TP63: variants seen among roughly 807,000 people sequenced by gnomAD.
TP63 encodes tumor protein 63.
In TP63, 17 loss-of-function variants were observed where a neutral mutation model predicts 82.8. The ratio of observed to expected loss-of-function variants is 0.21; its 90% CI spans 0.14 to 0.31. The LOEUF (loss-of-function observed/expected upper bound fraction) is 0.31, where lower values mean the gene tolerates loss of function less well. Ranked by LOEUF, TP63 falls within the 10% of genes least tolerant of loss-of-function variation. TP63 has a pLI of 1.00. For synonymous variants in TP63, 330 were observed against 321.7 expected (o/e 1.03, Z -0.28); for missense variants, 648 against 895.3 (o/e 0.72, Z 3.52).
In TP63 at chr3:189,868,713, C is replaced by T. The variant is rs757536818; in HGVS notation, c.1126C>T (p.Arg376Cys). 2.1e-5 allele frequency: 34 copies of T among 1,613,906 alleles called. No homozygotes were observed. Among genetic ancestry groups the T allele is most frequent in the Middle Eastern group, 1.6e-4 (1 of 6,062 alleles). The change falls in exon 8 of 14, where the codon CGC becomes TGC. Residue 376 changes from arginine to cysteine, a missense_variant. This residue lies in a region of TP63 where 342 missense variants were observed against 425.7 expected (regional missense o/e 0.80). Coordinates refer to ENST00000264731, the MANE Select transcript of TP63 (RefSeq NM_003722.5). Reference sequence around the variant, plus strand: ...TACAAAGAACGGTGATGGTACGAAGCGCCGTAAGTAGATGTAGTGGCCAAA... The same window carrying T: ...TACAAAGAACGGTGATGGTACGAAGTGCCGTAAGTAGATGTAGTGGCCAAA... The part of the protein sequence containing the change: ...DSTKNGDGTK[R>C]PFRQNTHGIQ...
chr3:189,777,240 A>C (rs957403247), intron 3 of TP63, among the ~76,000 whole-genome samples: 1 of 152,064 alleles, frequency 6.6e-6, no homozygotes, highest in African/African-American at 2.4e-5. Flanking sequence ...TCTGTCATCT[A>C]GACTGGAGAG....
At chr3:189,795,440 A>T (rs148309909) in intron 3 of TP63, among the ~76,000 whole-genome samples, 67 of 152,142 alleles carry the variant, frequency 4.4e-4, no homozygotes, top group African/African-American at 1.6e-3. Flanking sequence ...AAGTTTTGAA[A>T]GAGTGAAATC....
chr3:189,760,715 A>G (rs1722503640), intron 3 of TP63, among the ~76,000 whole-genome samples: 1 of 152,180 alleles, frequency 6.6e-6, no homozygotes, highest in African/African-American at 2.4e-5. Flanking sequence ...GCAGTGCCCC[A>G]GTAGGGACTC....
At chr3:189,667,168 A>ATTTT (rs11439554) in intron 1 of TP63, among the ~76,000 whole-genome samples, 4 of 122,118 alleles carry the variant, frequency 3.3e-5, no homozygotes, top group African/African-American at 9.2e-5. Flanking sequence ...AGAAGTTAGA[A>ATTTT]TTTTTTTTTT....
intron 3 of TP63, among the ~76,000 whole-genome samples, chr3:189,795,856 C>G (rs1478338346): frequency 6.6e-6 from 1 of 151,996 alleles, no homozygotes; most frequent in African/African-American, 2.4e-5. Context: ...CGAATGATTC[C>G]TTAGGCTGAA....
chr3:189,681,153 GT>G (rs1486517585), intron 1 of TP63, among the ~76,000 whole-genome samples: 1 of 151,780 alleles, frequency 6.6e-6, no homozygotes, highest in East Asian at 1.9e-4. Flanking sequence ...CTTTCACCTG[GT>G]TTTCTCAGCT....
At chr3:189,797,381 A>G (rs1478802353) in intron 3 of TP63, among the ~76,000 whole-genome samples, 1 of 152,072 alleles carries the variant, frequency 6.6e-6, no homozygotes, top group East Asian at 1.9e-4. Context: ...GGAACTCTGT[A>G]CAGGCATTTT....
intron 3 of TP63, among the ~76,000 whole-genome samples, chr3:189,783,025 C>CT (rs1347882432): frequency 2.0e-5 from 3 of 151,790 alleles, no homozygotes; most frequent in African/African-American, 7.3e-5. Flanking sequence ...GAATAATTTG[C>CT]TTATATGATA....
At chr3:189,861,594 T>C (rs945932371) in intron 4 of TP63, among the ~76,000 whole-genome samples, 5 of 152,192 alleles carry the variant, frequency 3.3e-5, no homozygotes, top group African/African-American at 1.2e-4. Context: ...CCCAAAGTTT[T>C]TTCAACTCTA....
chr3:189,862,386 A>G (rs900804460), intron 4 of TP63, among the ~76,000 whole-genome samples: 8 of 152,186 alleles, frequency 5.3e-5, no homozygotes, highest in African/African-American at 1.4e-4. Flanking sequence ...TTAGCACTTG[A>G]CGATCCTTAA....
chr3:189,702,422 G>T (rs534241698), intron 1 of TP63, among the ~76,000 whole-genome samples: 2 of 152,242 alleles, frequency 1.3e-5, no homozygotes, highest in South Asian at 4.1e-4. Context: ...TCTCACCATT[G>T]TTTCTTGACT....
intron 3 of TP63, among the ~76,000 whole-genome samples, chr3:189,781,353 A>T (rs928817023): frequency 6.6e-6 from 1 of 152,114 alleles, no homozygotes; most frequent in African/African-American, 2.4e-5. Flanking sequence ...TGCATACTGG[A>T]TGGGAGATTC....
chr3:189,892,492 A>G (rs776833497), intron 13 of TP63, among the ~76,000 whole-genome samples: 1 of 152,222 alleles, frequency 6.6e-6, no homozygotes, highest in Non-Finnish European at 1.5e-5. Flanking sequence ...CAAGAAACAT[A>G]AAAAGCTATG....
At chr3:189,752,180 C>A (rs2108523923) in intron 3 of TP63, among the ~76,000 whole-genome samples, 1 of 151,868 alleles carries the variant, frequency 6.6e-6, no homozygotes, top group African/African-American at 2.4e-5. Flanking sequence ...TTTATTTTAT[C>A]TATTTATTTT....
At chr3:189,707,929 A>C (rs912031917) in intron 1 of TP63, among the ~76,000 whole-genome samples, 2 of 152,224 alleles carry the variant, frequency 1.3e-5, no homozygotes, top group African/African-American at 4.8e-5. Flanking sequence ...ACATATACAA[A>C]GACATGCAAG....
intron 1 of TP63, among the ~76,000 whole-genome samples, chr3:189,643,263 A>G (rs1333099648): frequency 6.6e-6 from 1 of 152,134 alleles, no homozygotes; most frequent in Non-Finnish European, 1.5e-5. Flanking sequence ...AGCCTCTCAA[A>G]GTGCTGAGAC....
chr3:189,597,950 A>G, the TP63 span, among the ~76,000 whole-genome samples: 1 of 151,980 alleles, frequency 6.6e-6, no homozygotes, highest in Non-Finnish European at 1.5e-5. Flanking sequence ...AAAAGTTAGA[A>G]TTAATATTTT....
At position 189,750,144 on chromosome 3, in the gene TP63, A is replaced by G. The variant is rs1228964687; in HGVS notation, c.324+11370A>G. ...GTCTCAGAAAAAAAAAAAAAAAAAA[A>G]GGAATGAAATATTTTCATTTGCAGC... On this transcript the variant is annotated intron_variant, in intron 3 of 13. Coordinates refer to ENST00000264731, the MANE Select transcript of TP63 (RefSeq NM_003722.5). 5.5e-5 allele frequency among the ~76,000 whole-genome samples: 8 copies of G among 144,558 alleles called. No homozygotes were observed. The Admixed American group carries it at 5.6e-4, about 10-fold the overall frequency. The allele number at this position is 144,558 out of a possible 152,430, so 94.8% of individuals were successfully genotyped here.
chr3:189,848,692 T>A (rs1236672279), intron 4 of TP63, among the ~76,000 whole-genome samples: 3 of 152,202 alleles, frequency 2.0e-5, no homozygotes, highest in African/African-American at 7.2e-5. Flanking sequence ...AAGCATTATC[T>A]TCATAGAACT....
Sources: allele counts gnomAD v4.1 joint callset (sites outside exome capture counted in the v4.1 genomes callset), GRCh38; gene constraint gnomAD v4.1.1; regional missense constraint gnomAD v4.1.1; transcripts MANE v1.5; gene names NCBI Gene and HGNC (gene_info 2026-07-23, HGNC 2026-07-21).